IFT140: variants seen among roughly 807,000 people sequenced by gnomAD.
IFT140 encodes the protein intraflagellar transport 140, also known as intraflagellar transport protein 140 homolog.
A neutral mutation model predicts 164.6 loss-of-function variants in IFT140; 133 were observed. That is an observed-to-expected ratio of 0.81 (90% confidence interval 0.70 to 0.93). IFT140 has a LOEUF of 0.93. Ranked by LOEUF, IFT140 falls within the 40% of genes least tolerant of loss-of-function variation. The pLI, the probability that IFT140 is intolerant of heterozygous loss-of-function variation, is 0.00. For synonymous variants in IFT140, 860 were observed against 817.3 expected (o/e 1.05, Z -0.89); for missense variants, 2,045 against 1,972.3 (o/e 1.04, Z -0.70).
At chr16:1,512,673 G>A (rs1760410703) in intron 30 of IFT140, among the ~76,000 whole-genome samples, 1 of 152,122 alleles carries the variant, frequency 6.6e-6, no homozygotes, top group South Asian at 2.1e-4. Context: ...GGAGCAGGGC[G>A]CGGTGCTGCA....
In IFT140 at chr16:1,526,646, G is replaced by A. The variant is rs2745180; in HGVS notation, c.2550C>T (p.Ala850=). The A allele has an allele frequency of 1.1e-3, 1,716 of 1,575,112 alleles. 22 individuals carry two copies. In the African/African-American group the frequency reaches 0.02, roughly 19 times the overall value. The part of the protein sequence containing the change: ...EQEPELEARV[A]VLATQLGMLE... ...GCATGCCCAGCTGCGTGGCCAGCAC[G>A]GCCACGCGGGCCTCTAGCTCCGGCT... The change falls in exon 20 of 31, where the codon GCC becomes GCT. Residue 850 remains alanine, a synonymous_variant. Transcript: ENST00000426508.
At chr16:1,561,380 G>A (rs1440847393) in intron 18 of IFT140, among the ~76,000 whole-genome samples, 1 of 152,182 alleles carries the variant, frequency 6.6e-6, no homozygotes, top group Admixed American at 6.5e-5. Context: ...AACCTACTGG[G>A]GTGTGTGTAC....
At chr16:1,602,683 T>G in intron 3 of IFT140, 92 bp from the exon 4 acceptor site, 1 of 1,175,434 alleles carries the variant, frequency 8.5e-7, no homozygotes, top group Non-Finnish European at 1.2e-6. Flanking sequence ...GGCTCACTCC[T>G]GTAATTACAG....
chr16:1,583,434 T>A (rs200872166), intron 11 of IFT140, 48 bp from the exon 12 acceptor site: 1 of 1,530,530 alleles, frequency 6.5e-7, no homozygotes, highest in East Asian at 2.2e-5. Context: ...AAAAGTGAGG[T>A]GCAACTGTAC....
At chr16:1,554,010 C>T (rs778422529) in intron 19 of IFT140, 33 of 1,287,232 alleles carry the variant, frequency 2.6e-5, no homozygotes, top group East Asian at 1.1e-4. Context: ...GGGTTGCTCA[C>T]GGCCCACCTC....
intron 9 of IFT140, 62 bp downstream of exon 9, chr16:1,587,136 C>G (rs2034927245): frequency 9.7e-7 from 1 of 1,033,738 alleles, no homozygotes; most frequent in African/African-American, 1.6e-5. Flanking sequence ...CATTATTTTG[C>G]AGCCGGCGCA....
intron 26 of IFT140, among the ~76,000 whole-genome samples, chr16:1,521,538 G>GC (rs1470685894): frequency 6.6e-6 from 1 of 151,832 alleles, no homozygotes; most frequent in Non-Finnish European, 1.5e-5. Flanking sequence ...ACAGGCGCCC[G>GC]CCACCATGCC....
At chr16:1,589,539 C>T in intron 7 of IFT140, 66 bp downstream of exon 7, 60 of 1,531,168 alleles carry the variant, frequency 3.9e-5, no homozygotes, top group Non-Finnish European at 5.2e-5. Context: ...AAAGGGCCGT[C>T]AACGAGGCCA....
chr16:1,587,211 G>C lies in IFT140; in HGVS notation c.996C>G (p.Tyr332Ter). ...EKGENMNCVC[Y>*]CKVKGLLAAG... ...AGGAAGCCTCACCTTTGACTTTACA[G>C]TAACACACACAGTTCATATTCTCTC... Residue 332 changes from tyrosine to a stop codon, truncating the protein, a stop_gained, in exon 9 of 31, where the codon TAC (tyrosine) becomes TAG (stop). Transcript: ENST00000426508. LOFTEE classifies it high-confidence loss of function. 1 of 1,607,208 alleles carries C rather than the reference G, an allele frequency of 6.2e-7. No homozygotes were observed. Among genetic ancestry groups the C allele is most frequent in the Non-Finnish European group, 8.5e-7 (1 of 1,173,862 alleles).
intron 4 of IFT140, among the ~76,000 whole-genome samples, chr16:1,601,495 G>A (rs1347317169): frequency 6.6e-6 from 1 of 152,158 alleles, no homozygotes; most frequent in East Asian, 1.9e-4. Flanking sequence ...TAAGCATGTA[G>A]GGCTGAAGCA....
intron 13 of IFT140, chr16:1,578,080 C>G (rs549376485): frequency 6.6e-6 from 1 of 152,164 alleles, no homozygotes; most frequent in Non-Finnish European, 1.5e-5. Context: ...CATGTGGTCG[C>G]GGCAGCTCCC....
Position 1,533,414 on chromosome 16 carries a change from C to CG in IFT140, c.2400-6619dup, listed in dbSNP as rs1362574662. The CG allele has an allele frequency of 6.6e-6, 1 of 152,370 alleles. No individual in the cohort carries two copies. Among genetic ancestry groups the CG allele is most frequent in the Non-Finnish European group, 1.5e-5 (1 of 68,180 alleles). 9.4% of individuals were successfully genotyped at this position (152,370 alleles called of 1,614,324 possible). A position where few individuals can be genotyped will look rare whatever the true frequency, so the allele number is the denominator to read the frequency against. On this transcript the variant is annotated intron_variant, in intron 19 of 30. Coordinates refer to ENST00000426508, the MANE Select transcript of IFT140 (RefSeq NM_014714.4). The surrounding 1 kb of genome is among the most constrained non-coding windows in gnomAD (Gnocchi z 4.7). ...TCGCTCAGTACCAGCCTCCAGGCCC[C>CG]GGGGGCCACCAGGCTTAAAAGCAAC...
chr16:1,569,386 T>C (rs2033903505), intron 14 of IFT140, among the ~76,000 whole-genome samples: 2 of 152,208 alleles, frequency 1.3e-5, no homozygotes, highest in South Asian at 4.1e-4. Flanking sequence ...CTCACACTAG[T>C]CATTTTTTTA....
chr16:1,538,017 A>G (rs2031247419), intron 19 of IFT140, among the ~76,000 whole-genome samples: 1 of 152,188 alleles, frequency 6.6e-6, no homozygotes, highest in Non-Finnish European at 1.5e-5. Flanking sequence ...GCTACCACGC[A>G]CAGCCACGCA....
In IFT140 at chr16:1,526,609, C is replaced by G. The variant is rs763509815; in HGVS notation, c.2577+10G>C. ...GCCTTCCCACCCACCCCATGGCGGG[C>G]GCCCCTCACCAGCATGCCCAGCTGC... is the stretch of plus-strand genomic sequence containing the variant. On this transcript the variant is annotated intron_variant, in intron 20 of 30. Coordinates refer to ENST00000426508, the MANE Select transcript of IFT140 (RefSeq NM_014714.4). The G allele has an allele frequency of 1.3e-6, 2 of 1,514,030 alleles. No individual in the cohort carries two copies. Among genetic ancestry groups the G allele is most frequent in the East Asian group, 2.4e-5 (1 of 41,516 alleles). 93.8% of individuals were successfully genotyped at this position (1,514,030 alleles called of 1,614,324 possible).
intron 19 of IFT140, among the ~76,000 whole-genome samples, chr16:1,544,216 C>T (rs2031934760): frequency 6.6e-6 from 1 of 150,610 alleles, no homozygotes; most frequent in African/African-American, 2.5e-5. Flanking sequence ...CGAAGTCTCA[C>T]TCTGTCACCC....
chr16:1,581,603 G>T (rs1417462013), intron 12 of IFT140, among the ~76,000 whole-genome samples: 2 of 150,982 alleles, frequency 1.3e-5, no homozygotes, highest in Non-Finnish European at 2.9e-5. Flanking sequence ...GTCTCAGAAA[G>T]AATCTAGTTA....
At chr16:1,522,042 G>A (rs2040543143) in intron 26 of IFT140, among the ~76,000 whole-genome samples, 1 of 151,938 alleles carries the variant, frequency 6.6e-6, no homozygotes, top group Admixed American at 6.6e-5. Flanking sequence ...GACCAACATG[G>A]AGAAACCCCG....
At chr16:1,552,336 G>A (rs748263674) in intron 19 of IFT140, among the ~76,000 whole-genome samples, 27 of 151,700 alleles carry the variant, frequency 1.8e-4, no homozygotes, top group Non-Finnish European at 2.6e-4. Context: ...TGCCAAGAGC[G>A]CCCCACCCCT....
Sources: gnomAD v4.1 joint callset for allele counts (sites outside exome capture counted in the v4.1 genomes callset) on GRCh38, gnomAD v4.1.1 for gene constraint, Gnocchi (gnomAD v3.1) non-coding constraint, MANE v1.5 for transcripts, NCBI Gene and HGNC (gene_info 2026-07-23, HGNC 2026-07-21) for gene names.